The following SERGEF variants were observed in gnomAD, a reference collection of about 807,000 sequenced individuals.
The protein encoded by SERGEF is secretion-regulating guanine nucleotide exchange factor.
In SERGEF, 51 loss-of-function variants were observed where a neutral mutation model predicts 50.0. The observed-to-expected ratio is 1.02, with a 90% confidence interval of 0.81 to 1.29. The LOEUF (loss-of-function observed/expected upper bound fraction) is 1.29. Among genes scored for constraint, SERGEF ranks in the 50% most tolerant of loss-of-function variants. The probability of loss-of-function intolerance (pLI) is 0.00; values close to 1 mark genes in which losing one functional copy is unlikely to be tolerated. For synonymous variants in SERGEF, 205 were observed against 212.4 expected (o/e 0.97, Z 0.30); for missense variants, 521 against 557.0 (o/e 0.94, Z 0.65).
chr11:17,898,971 T>TGA (rs1164408672), intron 9 of SERGEF, among the ~76,000 whole-genome samples: 1 of 152,152 alleles, frequency 6.6e-6, no homozygotes, highest in Non-Finnish European at 1.5e-5. Context: ...TGAGTGATCG[T>TGA]GAGAGCTGGT....
intron 9 of SERGEF, among the ~76,000 whole-genome samples, chr11:17,932,001 G>A (rs139281676): frequency 1.3e-5 from 2 of 152,148 alleles, no homozygotes; most frequent in African/African-American, 4.8e-5. Context: ...TAAGAGAAAA[G>A]CAATAAAACT....
chr11:17,903,547 T>C (rs1190210841), intron 9 of SERGEF, among the ~76,000 whole-genome samples: 1 of 152,206 alleles, frequency 6.6e-6, no homozygotes, highest in Non-Finnish European at 1.5e-5. Context: ...TATAAAAGCC[T>C]GAGATGCAAA....
chr11:17,849,407 T>C (rs2133870580), intron 10 of SERGEF, among the ~76,000 whole-genome samples: 1 of 152,348 alleles, frequency 6.6e-6, no homozygotes, highest in African/African-American at 2.4e-5. Flanking sequence ...GGTATTGATA[T>C]AAAATTATTT....
chr11:18,013,026 C>T lies in SERGEF; in HGVS notation c.-16G>A. The T allele has an allele frequency of 4.4e-6, 6 of 1,365,170 alleles. No individual in the cohort carries two copies. In the East Asian group the frequency reaches 9.3e-5, roughly 21 times the overall value. 84.6% of individuals were successfully genotyped at this position (1,365,170 alleles called of 1,614,324 possible). ...CGCGCTCCATGCGAGGACGCTCCGC[C>T]GGCGCTTCCGGGAGGGACGGCACGG... is the stretch of plus-strand genomic sequence containing the variant. On this transcript the variant is annotated 5_prime_UTR_variant, in exon 1 of 11. Coordinates refer to ENST00000265965, the MANE Select transcript of SERGEF (RefSeq NM_012139.4). This position sits in a 1 kb window ranked among gnomAD's most constrained non-coding sequence, Gnocchi z 4.3.
chr11:17,828,423 C>T (rs1342783078), intron 10 of SERGEF, among the ~76,000 whole-genome samples: 2 of 152,224 alleles, frequency 1.3e-5, no homozygotes, highest in Non-Finnish European at 2.9e-5. Context: ...CCAGCCCTGC[C>T]GTGTGGATCC....
intron 10 of SERGEF, among the ~76,000 whole-genome samples, chr11:17,810,677 T>C (rs1305844882): frequency 6.6e-6 from 1 of 152,218 alleles, no homozygotes; most frequent in African/African-American, 2.4e-5. Context: ...CGATGACTTT[T>C]GTATCTCTTT....
intron 7 of SERGEF, among the ~76,000 whole-genome samples, chr11:17,989,801 G>C (rs1318802237): frequency 6.6e-6 from 1 of 152,134 alleles, no homozygotes; most frequent in Non-Finnish European, 1.5e-5. Flanking sequence ...CTCACACAAT[G>C]GACTGCAAAG....
chr11:17,995,222 G>A (rs1853812106), intron 6 of SERGEF, among the ~76,000 whole-genome samples: 1 of 152,310 alleles, frequency 6.6e-6, no homozygotes, highest in African/African-American at 2.4e-5. Context: ...GTATTTTCGC[G>A]TAGAGAGATT....
In SERGEF at chr11:17,877,296, GT is replaced by G. The variant is rs551087319; in HGVS notation, c.1048+911del. Among the ~76,000 whole-genome samples the G allele has an allele frequency of 9.2e-5, 14 of 152,254 alleles. No homozygotes were observed. The East Asian group carries it at 2.7e-3, about 29-fold the overall frequency. On this transcript the variant is annotated intron_variant, in intron 10 of 10. Transcript: ENST00000265965. ...AATATCAGAGCTGGAGGGAAACTTG[GT>G]TTTCTGTTTTAACTTCTCCATTTTA...
At chr11:18,009,377 G>A (rs1252815457) in intron 1 of SERGEF, among the ~76,000 whole-genome samples, 1 of 152,152 alleles carries the variant, frequency 6.6e-6, no homozygotes, top group Non-Finnish European at 1.5e-5. Context: ...GCCTTTTGGA[G>A]ACAGCACAGG....
intron 9 of SERGEF, among the ~76,000 whole-genome samples, chr11:17,903,272 TATG>T (rs1323838467): frequency 6.7e-6 from 1 of 149,724 alleles, no homozygotes; most frequent in Non-Finnish European, 1.5e-5. Context: ...GCCTACATGA[TATG>T]ATGATGAAGA....
At chr11:17,984,114 T>C (rs1192343580) in intron 8 of SERGEF, among the ~76,000 whole-genome samples, 1 of 152,148 alleles carries the variant, frequency 6.6e-6, no homozygotes, top group African/African-American at 2.4e-5. Flanking sequence ...TGTAACACAA[T>C]GGGTTTGAAG....
chr11:17,800,992 A>G (rs528362762), intron 10 of SERGEF, among the ~76,000 whole-genome samples: 22 of 152,086 alleles, frequency 1.4e-4, no homozygotes, highest in African/African-American at 4.8e-4. Flanking sequence ...TCAGGAGATC[A>G]AGACCATCCT....
chr11:17,849,279 T>C (rs1850670931), intron 10 of SERGEF, among the ~76,000 whole-genome samples: 2 of 152,238 alleles, frequency 1.3e-5, no homozygotes, highest in Admixed American at 1.3e-4. Flanking sequence ...GTATCTCTTG[T>C]TCTCCTAGTC....
At chr11:17,942,483 C>T (rs1401317200) in intron 9 of SERGEF, among the ~76,000 whole-genome samples, 6 of 151,820 alleles carry the variant, frequency 4.0e-5, no homozygotes, top group African/African-American at 1.5e-4. Context: ...TGCTAAATTG[C>T]CATTTTGGTT....
At chr11:17,944,162 C>T (rs1852611279) in intron 9 of SERGEF, among the ~76,000 whole-genome samples, 1 of 152,164 alleles carries the variant, frequency 6.6e-6, no homozygotes, top group South Asian at 2.1e-4. Flanking sequence ...CTCCTGACCT[C>T]ATGATCCGCC....
At chr11:17,945,744 C>T (rs1852646067) in intron 9 of SERGEF, among the ~76,000 whole-genome samples, 2 of 152,082 alleles carry the variant, frequency 1.3e-5, no homozygotes, top group African/African-American at 4.8e-5. Flanking sequence ...GTCAGGAGTT[C>T]AACACCAGAC....
intron 10 of SERGEF, among the ~76,000 whole-genome samples, chr11:17,864,478 A>T (rs1218444236): frequency 6.6e-6 from 1 of 152,222 alleles, no homozygotes; most frequent in African/African-American, 2.4e-5. Flanking sequence ...ACTTAACAGA[A>T]ATGTGACTTG....
intron 9 of SERGEF, among the ~76,000 whole-genome samples, chr11:17,903,862 G>C (rs879428325): frequency 6.6e-6 from 1 of 152,180 alleles, no homozygotes; most frequent in Non-Finnish European, 1.5e-5. Flanking sequence ...CAGCCGTGGA[G>C]AAAAAGGGAA....
Sources: allele counts gnomAD v4.1 joint callset (sites outside exome capture counted in the v4.1 genomes callset), GRCh38; gene constraint gnomAD v4.1.1; non-coding constraint Gnocchi (gnomAD v3.1); transcripts MANE v1.5; gene names NCBI Gene and HGNC (gene_info 2026-07-23, HGNC 2026-07-21).